Variants in DDX60 observed in about 807,000 individuals in gnomAD.
The protein encoded by DDX60 is probable ATP-dependent RNA helicase DDX60.
In DDX60, 165 loss-of-function variants were observed where a neutral mutation model predicts 212.8. That is an observed-to-expected ratio of 0.78 (90% confidence interval 0.68 to 0.88). The LOEUF (loss-of-function observed/expected upper bound fraction) is 0.88, where lower values mean the gene tolerates loss of function less well. Ranked by LOEUF, DDX60 falls within the 40% of genes least tolerant of loss-of-function variation. The pLI, the probability that DDX60 is intolerant of heterozygous loss-of-function variation, is 0.00. For missense variants in DDX60, 1,905 were observed against 2,003.9 expected, an observed-to-expected ratio of 0.95 and a Z score of 0.94; for synonymous variants, 703 against 685.3, an observed-to-expected ratio of 1.03 and a Z score of -0.40.
At position 168,225,585 on chromosome 4, in the gene DDX60, A is replaced by T. The variant is rs766517634; in HGVS notation, c.4625T>A (p.Ile1542Asn). The change falls in exon 34 of 38, where the codon ATT becomes AAT. Residue 1542 changes from isoleucine to asparagine, a missense_variant. Transcript: ENST00000393743. Reference protein sequence around the residue: ...IMEDFTTFLRIVSKLADMNQE... With the variant: ...IMEDFTTFLRNVSKLADMNQE... ...ATTCATATCAGCCAGTTTGGAAACA[A>T]TTCGTAGGAAAGTGGTAAAGTCCTC... 8 of 1,611,704 alleles carry T rather than the reference A, an allele frequency of 5.0e-6. No homozygotes were observed. In the South Asian group the frequency reaches 8.8e-5, roughly 18 times the overall value.
intron 30 of DDX60, among the ~76,000 whole-genome samples, chr4:168,243,184 T>A (rs929275613): frequency 6.6e-6 from 1 of 152,152 alleles, no homozygotes; most frequent in African/African-American, 2.4e-5. Context: ...GTCTTGGGTA[T>A]GTCTTTATCA....
At chr4:168,226,858 T>C (rs1356766160) in intron 33 of DDX60, among the ~76,000 whole-genome samples, 3 of 151,834 alleles carry the variant, frequency 2.0e-5, no homozygotes, top group African/African-American at 7.3e-5. Context: ...GCAGATAGAG[T>C]AGAAGGATGG....
chr4:168,245,933 G>A (rs1333873337), intron 30 of DDX60, among the ~76,000 whole-genome samples: 4 of 152,070 alleles, frequency 2.6e-5, no homozygotes, highest in East Asian at 3.9e-4. Flanking sequence ...ATGATAATGT[G>A]AATGTCTTTG....
Position 168,285,419 on chromosome 4 carries a change from A to C in DDX60, c.1419T>G (p.Ile473Met), listed in dbSNP as rs371234597. Residue 473 changes from isoleucine (I) to methionine (M), a missense_variant, in exon 11 of 38, where the codon ATT becomes ATG. Transcript: ENST00000393743. ...TCTTTAGAAAAGGCAAATCTTTCAA[A>C]ATATCTCCAGCAAATTTATCAACCA... ...SFVVDKFAGDILKDLPFLKSD... is the reference protein window; with the variant it reads ...SFVVDKFAGDMLKDLPFLKSD... 8.1e-6 allele frequency: 13 copies of C among 1,610,960 alleles called. No individual in the cohort carries two copies. The highest frequency in any genetic ancestry group is 2.7e-5 in the African/African-American group (2 of 74,860).
intron 28 of DDX60, among the ~76,000 whole-genome samples, chr4:168,248,746 G>A (rs1001839675): frequency 1.3e-5 from 2 of 151,264 alleles, no homozygotes; most frequent in Admixed American, 6.6e-5. Flanking sequence ...CCTGACAACT[G>A]ATAGGTGTTC....
chr4:168,241,587 T>A (rs1434566534), intron 30 of DDX60, among the ~76,000 whole-genome samples: 2 of 152,148 alleles, frequency 1.3e-5, no homozygotes, highest in Admixed American at 6.5e-5. Context: ...CCTGAGAGAT[T>A]TATGGAACTT....
chr4:168,305,102 A>G (rs1736818986), intron 5 of DDX60, among the ~76,000 whole-genome samples: 2 of 152,352 alleles, frequency 1.3e-5, no homozygotes, highest in East Asian at 1.9e-4. Flanking sequence ...TTGTGTTACA[A>G]TTACCTAGAG....
intron 5 of DDX60, among the ~76,000 whole-genome samples, chr4:168,303,794 C>A (rs1736754796): frequency 6.6e-6 from 1 of 152,090 alleles, no homozygotes; most frequent in Non-Finnish European, 1.5e-5. Flanking sequence ...CCAGACTGGC[C>A]AACATAGTGA....
chr4:168,269,469 T>C (rs939069167), intron 19 of DDX60, among the ~76,000 whole-genome samples: 6 of 151,954 alleles, frequency 3.9e-5, no homozygotes, highest in African/African-American at 1.2e-4. Flanking sequence ...GGCGTGGTGG[T>C]GGGTGCCTGT....
At chr4:168,310,461 C>T (rs1737080327) in intron 3 of DDX60, among the ~76,000 whole-genome samples, 1 of 152,114 alleles carries the variant, frequency 6.6e-6, no homozygotes, top group Non-Finnish European at 1.5e-5. Flanking sequence ...ACCAGAGAAA[C>T]AAGAGGGCAG....
Position 168,262,757 on chromosome 4 carries a change from T to C in DDX60, c.3070A>G (p.Thr1024Ala), listed in dbSNP as rs1579014580. Residue 1024 changes from threonine to alanine, a missense_variant, in exon 23 of 38, where the codon ACC (threonine) becomes GCC (alanine). By Grantham distance (58) the Thr-to-Ala change is moderately conservative. Coordinates refer to ENST00000393743, the MANE Select transcript of DDX60 (RefSeq NM_017631.6). ...IERYGFPPDL[T>A]LSPRESIQLY... The stretch of plus-strand genomic sequence containing the variant: ...TGGATGCTTTCTCGAGGTGAAAGGG[T>C]AAGATCAGGAGGGAATCCATACCTT... The C allele has an allele frequency of 6.2e-7, 1 of 1,612,258 alleles. No individual in the cohort carries two copies. Among genetic ancestry groups the C allele is most frequent in the East Asian group, 2.2e-5 (1 of 44,680 alleles).
At chr4:168,289,486 A>G (rs1479006618) in intron 8 of DDX60, among the ~76,000 whole-genome samples, 2 of 152,128 alleles carry the variant, frequency 1.3e-5, no homozygotes, top group Non-Finnish European at 1.5e-5. Context: ...CTCTCTTACC[A>G]TATCTCTCTT....
At chr4:168,302,906 T>C (rs666618) in intron 5 of DDX60, among the ~76,000 whole-genome samples, 65,962 of 151,736 alleles carry the variant, frequency 0.43, 15,557 homozygotes, top group African/African-American at 0.64. Flanking sequence ...TATTTTCAAT[T>C]GTATTTCACA....
chr4:168,261,325 T>TGG (rs1318272755), intron 24 of DDX60, among the ~76,000 whole-genome samples: 2 of 152,166 alleles, frequency 1.3e-5, no homozygotes, highest in Non-Finnish European at 2.9e-5. Context: ...TTCTACATTA[T>TGG]GTCAAAAAAT....
intron 37 of DDX60, among the ~76,000 whole-genome samples, chr4:168,219,571 T>C (rs1732977006): frequency 1.3e-5 from 2 of 152,116 alleles, no homozygotes; most frequent in South Asian, 4.1e-4. Flanking sequence ...TTTACTCTGT[T>C]ATAAAAAGTC....
chr4:168,266,267 G>A (rs917812919), intron 22 of DDX60, among the ~76,000 whole-genome samples: 7 of 152,156 alleles, frequency 4.6e-5, no homozygotes, highest in African/African-American at 1.2e-4. Context: ...GTTTAAAAAC[G>A]TAGAATTTTT....
intron 1 of DDX60, 128 bp from the exon 2 acceptor site, chr4:168,311,493 A>G: frequency 2.1e-6 from 1 of 483,828 alleles, no homozygotes; most frequent in East Asian, 3.2e-5. Flanking sequence ...GACAGTTCTC[A>G]CAGAGCTTAA....
At chr4:168,315,419 C>CT (rs917935895) in intron 1 of DDX60, among the ~76,000 whole-genome samples, 2 of 152,084 alleles carry the variant, frequency 1.3e-5, no homozygotes, top group African/African-American at 4.8e-5. Flanking sequence ...ACCATATATC[C>CT]TTTTTTTATT....
chr4:168,275,541 G>T, intron 15 of DDX60, 38 bp from the exon 16 acceptor site: 1 of 1,504,730 alleles, frequency 6.6e-7, no homozygotes, highest in Non-Finnish European at 9.0e-7. Context: ...AAATGACATT[G>T]AATTAGAATA....
Sources: gnomAD v4.1 joint callset for allele counts (sites outside exome capture counted in the v4.1 genomes callset) on GRCh38, gnomAD v4.1.1 for gene constraint, MANE v1.5 for transcripts, NCBI Gene and HGNC (gene_info 2026-07-23, HGNC 2026-07-21) for gene names.